The following DGLUCY variants were observed in gnomAD, a reference collection of about 807,000 sequenced individuals.
DGLUCY encodes the protein D-glutamate cyclase, also known as D-glutamate cyclase, mitochondrial.
Under a neutral mutation model 58.5 loss-of-function variants are expected in DGLUCY, and 58 were observed. The ratio of observed to expected loss-of-function variants is 0.99; its 90% CI spans 0.80 to 1.23. The LOEUF is 1.23. Ranked by LOEUF, DGLUCY falls within the 50% of genes most tolerant of loss-of-function variation. DGLUCY has a pLI of 0.00. For synonymous variants in DGLUCY, 325 were observed against 314.1 expected, an observed-to-expected ratio of 1.03 and a Z score of -0.37; for missense variants, 779 against 784.7, an observed-to-expected ratio of 0.99 and a Z score of 0.09.
chr14:91,201,302 A>G (rs1214467605), intron 11 of DGLUCY, among the ~76,000 whole-genome samples: 1 of 101,992 alleles, frequency 9.8e-6, no homozygotes. Context: ...CCTGACAGGT[A>G]ACTTTTTTTT....
At position 91,184,580 on chromosome 14, in the gene DGLUCY, G is replaced by A. The variant is rs1295745367; in HGVS notation, c.934+3191G>A. ...GAAAGAAAGAAAGAAAGAAAGTTGG[G>A]GGGGGGGAGGGAGGGAGGGAGGGAG... On this transcript the variant is annotated intron_variant, in intron 8 of 13. Coordinates refer to ENST00000256324, the MANE Select transcript of DGLUCY (RefSeq NM_001102368.3). Among the ~76,000 whole-genome samples, 4 of 102,150 alleles carry A rather than the reference G, an allele frequency of 3.9e-5. 1 individual carries two copies. The highest frequency in any genetic ancestry group is 1.3e-4 in the African/African-American group (3 of 22,464). 67.0% of individuals were successfully genotyped at this position (102,150 alleles called of 152,430 possible).
intron 1 of DGLUCY, among the ~76,000 whole-genome samples, chr14:91,130,334 C>T (rs2045961521): frequency 6.8e-6 from 1 of 147,020 alleles, no homozygotes; most frequent in South Asian, 2.1e-4. Context: ...CAGAGTCTTG[C>T]TCTGTCAGGA....
chr14:91,093,002 T>C (rs947581960), intron 1 of DGLUCY, among the ~76,000 whole-genome samples: 1 of 151,052 alleles, frequency 6.6e-6, no homozygotes, highest in Non-Finnish European at 1.5e-5. Flanking sequence ...GAGACTCACT[T>C]GAATCCGGGA....
chr14:91,197,760 G>A (rs944666696), intron 10 of DGLUCY, among the ~76,000 whole-genome samples: 6 of 152,206 alleles, frequency 3.9e-5, no homozygotes, highest in African/African-American at 1.2e-4. Context: ...ATTCCCTTGT[G>A]TGTATAGACC....
chr14:91,221,435 C>T (rs911894995), intron 13 of DGLUCY, among the ~76,000 whole-genome samples: 1 of 149,598 alleles, frequency 6.7e-6, no homozygotes, highest in Non-Finnish European at 1.5e-5. Context: ...TGGATGGATG[C>T]ATGGATGGAT....
chr14:91,127,541 A>G (rs1595701906), intron 1 of DGLUCY, among the ~76,000 whole-genome samples: 1 of 152,322 alleles, frequency 6.6e-6, no homozygotes, highest in Admixed American at 6.5e-5. Context: ...GGCCAGAGGG[A>G]TGAGGCCGGG....
In DGLUCY at chr14:91,077,146, T is replaced by C. The variant is rs113195812; in HGVS notation, c.-82+16442T>C. ...CTGTGGTCCCAGCTATTCAGGAGGCTGAGGTGTGAGGATCACTTGAGCCAA... is the reference window on the plus strand; with the variant it reads ...CTGTGGTCCCAGCTATTCAGGAGGCCGAGGTGTGAGGATCACTTGAGCCAA... On this transcript the variant is annotated intron_variant, in intron 1 of 4. Coordinates refer to the DGLUCY transcript ENST00000521334. Among the ~76,000 whole-genome samples, 558 of 151,752 alleles carry C rather than the reference T, an allele frequency of 3.7e-3. 2 individuals carry two copies. The highest frequency in any genetic ancestry group is 0.013 in the African/African-American group (528 of 41,360).
intron 1 of DGLUCY, among the ~76,000 whole-genome samples, chr14:91,108,224 C>G (rs1396185983): frequency 6.6e-6 from 1 of 151,942 alleles, no homozygotes; most frequent in Non-Finnish European, 1.5e-5. Context: ...GTCGAGCGTA[C>G]AAGTGTAGGG....
At chr14:91,160,107 G>A (rs570859874) in intron 2 of DGLUCY, among the ~76,000 whole-genome samples, 159 bp from the exon 3 acceptor site, 2 of 152,294 alleles carry the variant, frequency 1.3e-5, no homozygotes, top group African/African-American at 2.4e-5. Flanking sequence ...ATGTGACGGG[G>A]GAGAATGGAT....
intron 12 of DGLUCY, among the ~76,000 whole-genome samples, chr14:91,209,974 G>C (rs901645466): frequency 3.3e-5 from 5 of 152,030 alleles, no homozygotes; most frequent in African/African-American, 1.2e-4. Flanking sequence ...TGATAAAGGG[G>C]CCAGTATTCA....
chr14:91,193,983 G>T (rs1023400156), intron 9 of DGLUCY, among the ~76,000 whole-genome samples: 4 of 152,112 alleles, frequency 2.6e-5, no homozygotes, highest in South Asian at 2.1e-4. Context: ...CCTTTTTGGG[G>T]ATTCTCCTGT....
chr14:91,086,259 T>C (rs926363900), intron 1 of DGLUCY, among the ~76,000 whole-genome samples: 3 of 152,120 alleles, frequency 2.0e-5, no homozygotes, highest in African/African-American at 7.2e-5. Flanking sequence ...TACAATGTGA[T>C]AATAATAGAA....
At chr14:91,189,353 C>G (rs934908348) in intron 9 of DGLUCY, among the ~76,000 whole-genome samples, 183 bp downstream of exon 9, 1 of 152,194 alleles carries the variant, frequency 6.6e-6, no homozygotes, top group African/African-American at 2.4e-5. Context: ...GGGATTTTCC[C>G]AGGTGGAAAT....
Position 91,177,710 on chromosome 14 carries a change from G to A in DGLUCY, c.730+1654G>A, listed in dbSNP as rs144903011. On this transcript the variant is annotated intron_variant, in intron 7 of 13. Transcript: ENST00000256324. ...ACTTTAATTTATTTTGAAAGCATTC[G>A]TGAGAGTTCAGCTATCAGAATGGCC... Among the ~76,000 whole-genome samples, 65 of 152,360 alleles carry A rather than the reference G, an allele frequency of 4.3e-4. 1 individual carries two copies. Among genetic ancestry groups the A allele is most frequent in the African/African-American group, 1.4e-3 (60 of 41,586 alleles).
chr14:91,153,110 C>T (rs1266557751), intron 1 of DGLUCY, among the ~76,000 whole-genome samples: 1 of 152,190 alleles, frequency 6.6e-6, no homozygotes, highest in Non-Finnish European at 1.5e-5. Flanking sequence ...CTCCTGCCTC[C>T]CTGGCCGCCT....
At chr14:91,196,270 A>G (rs1476003924) in intron 9 of DGLUCY, 105 bp from the exon 10 acceptor site, 1 of 808,338 alleles carries the variant, frequency 1.2e-6, no homozygotes. Flanking sequence ...GATGTTGTTC[A>G]ACAACAGTAA....
chr14:91,102,653 CA>C (rs1437300886), intron 1 of DGLUCY, among the ~76,000 whole-genome samples: 1 of 151,638 alleles, frequency 6.6e-6, no homozygotes, highest in Non-Finnish European at 1.5e-5. Flanking sequence ...CTCTACAGGG[CA>C]TGGATATGGG....
chr14:91,177,659 G>C (rs1199820398), intron 7 of DGLUCY, among the ~76,000 whole-genome samples: 2 of 152,242 alleles, frequency 1.3e-5, no homozygotes, highest in Non-Finnish European at 2.9e-5. Context: ...AGCCACACTT[G>C]CGCTGTAAGC....
chr14:91,108,526 T>TGTGTGTGTGAGAGAGAGAGAGAGAGAGA (rs1265665234), intron 1 of DGLUCY, among the ~76,000 whole-genome samples: 1 of 52,180 alleles, frequency 1.9e-5, no homozygotes, highest in Non-Finnish European at 3.8e-5. Context: ...TGTGTGTGTG[T>TGTGTGTGTGAGAGAGAGAGAGAGAGAGA]GAGAGAGAGA....
Sources: gnomAD v4.1 joint callset for allele counts (sites outside exome capture counted in the v4.1 genomes callset) on GRCh38, gnomAD v4.1.1 for gene constraint, MANE v1.5 for transcripts, NCBI Gene and HGNC (gene_info 2026-07-23, HGNC 2026-07-21) for gene names.